The following SFMBT2 variants were observed in gnomAD, a reference collection of about 807,000 sequenced individuals.
The protein encoded by SFMBT2 is Scm like with four mbt domains 2.
A neutral mutation model predicts 110.1 loss-of-function variants in SFMBT2; 38 were observed. The ratio of observed to expected loss-of-function variants is 0.35; its 90% CI spans 0.27 to 0.45. SFMBT2 has a LOEUF of 0.45. Among genes scored for constraint, SFMBT2 ranks in the 20% least tolerant of loss-of-function variants. The pLI, the probability that SFMBT2 is intolerant of heterozygous loss-of-function variation, is 1.00. For missense variants in SFMBT2, 1,011 were observed against 1,094.9 expected (o/e 0.92, Z 1.08); for synonymous variants, 425 against 425.4 (o/e 1.00, Z 0.01).
rs1232849564 is a variant in SFMBT2 at position 7,301,710 on chromosome 10, C to T, written c.437-15756G>A. ...AAACGCAGAAACTGGTATTTCTTGA[C>T]ATGGGCTCCCCAGAAGTCACCTAGT... On this transcript the variant is annotated intron_variant, in intron 4 of 20. Transcript: ENST00000397167. This position sits in a 1 kb window ranked among gnomAD's most constrained non-coding sequence, Gnocchi z 4.2. Among the ~76,000 whole-genome samples, 2 of 152,178 alleles carry T rather than the reference C, an allele frequency of 1.3e-5. No individual in the cohort carries two copies. Among genetic ancestry groups the T allele is most frequent in the African/African-American group, 4.8e-5 (2 of 41,452 alleles).
intron 7 of SFMBT2, among the ~76,000 whole-genome samples, chr10:7,259,562 A>C (rs1206824946): frequency 6.6e-6 from 1 of 152,158 alleles, no homozygotes; most frequent in Non-Finnish European, 1.5e-5. Context: ...GGACAACTGA[A>C]ATGTCTCCTG....
chr10:7,306,653 TTAA>T (rs1276196577), intron 4 of SFMBT2, among the ~76,000 whole-genome samples: 7 of 150,396 alleles, frequency 4.7e-5, no homozygotes, highest in Non-Finnish European at 1.0e-4. Flanking sequence ...TTTAAAAGAA[TTAA>T]TAATAATCAT....
chr10:7,163,815 C>T lies in SFMBT2; in HGVS notation c.2640G>A (p.Gln880=), dbSNP rs148487891. 9.3e-5 allele frequency: 150 copies of T among 1,614,254 alleles called. 1 individual carries two copies. In the African/African-American group the frequency reaches 1.8e-3, roughly 19 times the overall value. ...AGAAAGCCACTTTGACTCTCTCGATCTGGTGGCATAACTTGATGGCAGGCC... is the reference window on the plus strand; with the variant it reads ...AGAAAGCCACTTTGACTCTCTCGATTTGGTGGCATAACTTGATGGCAGGCC... ...KLGPAIKLCH[Q]IERVKVAFYA... Residue 880 remains glutamine (Q), a synonymous_variant, in exon 21 of 21, where the codon CAG becomes CAA. Coordinates refer to ENST00000397167, the MANE Select transcript of SFMBT2 (RefSeq NM_001387889.1). The surrounding 1 kb of genome is among the most constrained non-coding windows in gnomAD (Gnocchi z 4.8).
At chr10:7,370,750 G>A (rs887752909) in intron 2 of SFMBT2, 29 of 851,256 alleles carry the variant, frequency 3.4e-5, no homozygotes, top group African/African-American at 5.5e-5. Context: ...CCCATCGTGC[G>A]CTGAGCAAGG....
In SFMBT2 at chr10:7,208,455, C is replaced by T. The variant is rs142249171; in HGVS notation, c.1331-2527G>A. The stretch of plus-strand genomic sequence containing the variant: ...GTAACTTTATATTGGGAGGCTGAGG[C>T]GGGCGGATCACCTGAGGTCAGGAGT... On this transcript the variant is annotated intron_variant, in intron 11 of 20. Coordinates refer to ENST00000397167, the MANE Select transcript of SFMBT2 (RefSeq NM_001387889.1). Among the ~76,000 whole-genome samples the T allele has an allele frequency of 6.2e-3, 951 of 152,190 alleles. 16 individuals are homozygous for T. Among genetic ancestry groups the T allele is most frequent in the African/African-American group, 0.021 (891 of 41,518 alleles).
At chr10:7,182,222 G>C (rs921723001) in intron 16 of SFMBT2, among the ~76,000 whole-genome samples, 11 of 152,154 alleles carry the variant, frequency 7.2e-5, no homozygotes, top group African/African-American at 2.7e-4. Flanking sequence ...ATTTTTAGTA[G>C]AGATGGTGTT....
Position 7,249,615 on chromosome 10 carries a change from T to G in SFMBT2, c.871-966A>C, listed in dbSNP as rs1039674550. The G allele has an allele frequency of 3.2e-6, 3 of 929,190 alleles. No individual in the cohort carries two copies. In the African/African-American group the frequency reaches 5.4e-5, roughly 17 times the overall value. 57.6% of individuals were successfully genotyped at this position (929,190 alleles called of 1,614,324 possible). On this transcript the variant is annotated intron_variant, in intron 7 of 20. Coordinates refer to ENST00000397167, the MANE Select transcript of SFMBT2 (RefSeq NM_001387889.1). ...CTTTTACCTGCAAATCTAAAGTGGG[T>G]TTTTAATTACTCCAACGACGCCACT...
rs552482338 is a variant in SFMBT2, at chr10:7,201,396, C to T, written c.1488-912G>A. Among the ~76,000 whole-genome samples, 6 of 152,288 alleles carry T rather than the reference C, an allele frequency of 3.9e-5. No individual in the cohort carries two copies. The South Asian group carries it at 1.2e-3, about 32-fold the overall frequency. ...GAGAACCGTTAATCCACGGGCTGTG[C>T]ATTTAAGGAGTGATGGATTCAAGTT... On this transcript the variant is annotated intron_variant, in intron 13 of 20. Transcript: ENST00000397167.
At chr10:7,406,166 A>G (rs906506516) in intron 1 of SFMBT2, among the ~76,000 whole-genome samples, 3 of 152,094 alleles carry the variant, frequency 2.0e-5, no homozygotes, top group Admixed American at 2.0e-4. Context: ...AATAAAATAT[A>G]AAGAGAGAAA....
chr10:7,320,737 A>G, intron 4 of SFMBT2: 1 of 389,164 alleles, frequency 2.6e-6, no homozygotes, highest in Non-Finnish European at 3.5e-6. Context: ...ATGGAGATTC[A>G]AGGCCCAGGG....
At chr10:7,346,923 G>C (rs1273785839) in intron 4 of SFMBT2, among the ~76,000 whole-genome samples, 3 of 152,132 alleles carry the variant, frequency 2.0e-5, no homozygotes, top group Admixed American at 1.3e-4. Context: ...CCAGGAGGTG[G>C]AGGTTACAGT....
intron 7 of SFMBT2, among the ~76,000 whole-genome samples, chr10:7,250,959 A>G (rs1840785621): frequency 6.6e-6 from 1 of 152,218 alleles, no homozygotes; most frequent in Non-Finnish European, 1.5e-5. Context: ...GTGAGGCGCC[A>G]TCACAACTAA....
intron 11 of SFMBT2, among the ~76,000 whole-genome samples, chr10:7,211,932 G>C (rs1588343423): frequency 6.6e-6 from 1 of 151,984 alleles, no homozygotes; most frequent in Non-Finnish European, 1.5e-5. Context: ...TTGTTCCACA[G>C]CTGGTCCCCT....
At chr10:7,299,009 G>A (rs563534390) in intron 4 of SFMBT2, among the ~76,000 whole-genome samples, 7 of 152,258 alleles carry the variant, frequency 4.6e-5, no homozygotes, top group South Asian at 2.1e-4. Flanking sequence ...TCAAGAATTC[G>A]AAAGCAGCCT....
At chr10:7,376,185 G>A (rs10453997) in intron 2 of SFMBT2, among the ~76,000 whole-genome samples, 121,036 of 151,922 alleles carry the variant, frequency 0.8, 48,637 homozygotes, top group East Asian at 1. Flanking sequence ...AACTGACAAC[G>A]CCTGGAATCC....
At position 7,280,565 on chromosome 10, in the gene SFMBT2, C is replaced by T. The variant is rs932379039; in HGVS notation, c.772+3339G>A. Among the ~76,000 whole-genome samples, 14 of 152,296 alleles carry T rather than the reference C, an allele frequency of 9.2e-5. 1 individual carries two copies. The highest frequency in any genetic ancestry group is 3.9e-4 in the Admixed American group (6 of 15,298). On this transcript the variant is annotated intron_variant, in intron 6 of 20. Coordinates refer to ENST00000397167, the MANE Select transcript of SFMBT2 (RefSeq NM_001387889.1). ...TAGGAGAGCAGGTGGGCTTCTTAAA[C>T]GACCCTAACCTCAATGACGTACTTA...
At chr10:7,276,726 C>A (rs934614203) in intron 7 of SFMBT2, among the ~76,000 whole-genome samples, 166 bp downstream of exon 7, 3 of 152,084 alleles carry the variant, frequency 2.0e-5, no homozygotes, top group African/African-American at 7.2e-5. Context: ...TAGGGTTTCA[C>A]CATGTTAGCC....
intron 4 of SFMBT2, among the ~76,000 whole-genome samples, chr10:7,360,240 G>C (rs1844671315): frequency 6.6e-6 from 1 of 152,220 alleles, no homozygotes. Flanking sequence ...GGCCAAGGTG[G>C]AAAGATCATT....
chr10:7,339,916 T>C (rs1276330032), intron 4 of SFMBT2, among the ~76,000 whole-genome samples: 1 of 152,194 alleles, frequency 6.6e-6, no homozygotes, highest in Non-Finnish European at 1.5e-5. Context: ...TGCTAAATGC[T>C]GGCCCAGAGG....
Sources: gnomAD v4.1 joint callset for allele counts (sites outside exome capture counted in the v4.1 genomes callset) on GRCh38, gnomAD v4.1.1 for gene constraint, Gnocchi (gnomAD v3.1) non-coding constraint, MANE v1.5 for transcripts, NCBI Gene and HGNC (gene_info 2026-07-23, HGNC 2026-07-21) for gene names.